Variants in SRGAP3 observed in about 807,000 individuals in gnomAD.
SRGAP3 encodes SLIT-ROBO Rho GTPase activating protein 3.
A neutral mutation model predicts 121.1 loss-of-function variants in SRGAP3; 39 were observed. The observed-to-expected ratio is 0.32, with a 90% CI of 0.25 to 0.42. The LOEUF (loss-of-function observed/expected upper bound fraction) is 0.42. Among genes scored for constraint, SRGAP3 ranks in the 10% least tolerant of loss-of-function variants. The probability of loss-of-function intolerance (pLI) is 1.00; values close to 1 mark genes in which losing one functional copy is unlikely to be tolerated. For missense variants in SRGAP3, 1,213 were observed against 1,470.6 expected (o/e 0.82, Z 2.86); for synonymous variants, 601 against 570.0 (o/e 1.05, Z -0.77).
At chr3:9,000,571 C>A (rs1942695470) in intron 18 of SRGAP3, among the ~76,000 whole-genome samples, 1 of 152,192 alleles carries the variant, frequency 6.6e-6, no homozygotes, top group African/African-American at 2.4e-5. Flanking sequence ...GAAGGGGACT[C>A]TCAAGAACAG....
In SRGAP3 at chr3:8,993,024, T is replaced by G; in HGVS notation, c.2440A>C (p.Lys814Gln). ...CCACTGCTGGCCTCGCTGTCAGCCT[T>G]CTGGCTCAGGCTGTCGGAGAAGGCA... ...DDAFSDSLSQ[K>Q]ADSEASSGPL... Residue 814 changes from lysine (K) to glutamine (Q), a missense_variant, in exon 20 of 22, where the codon AAG becomes CAG. Around this residue, in one of 2 missense-constraint regions of SRGAP3, gnomAD observed 420 missense variants for 437.7 expected, o/e 0.96. Coordinates refer to ENST00000383836, the MANE Select transcript of SRGAP3 (RefSeq NM_014850.4). The G allele has an allele frequency of 6.2e-7, 1 of 1,614,202 alleles. No individual in the cohort carries two copies. The highest frequency in any genetic ancestry group is 8.5e-7 in the Non-Finnish European group (1 of 1,180,046).
intron 1 of SRGAP3, among the ~76,000 whole-genome samples, chr3:9,152,944 A>G (rs1451880232): frequency 2.0e-5 from 3 of 152,192 alleles, no homozygotes; most frequent in Admixed American, 2.0e-4. Flanking sequence ...GGACTATATC[A>G]GAGCTCAGCT....
At chr3:9,047,271 A>T (rs373051634) in intron 10 of SRGAP3, 120 bp downstream of exon 10, 1 of 1,010,658 alleles carries the variant, frequency 9.9e-7, no homozygotes, top group Non-Finnish European at 1.5e-6. Flanking sequence ...TGGTAAGTCC[A>T]GGTTCATTCT....
At chr3:9,260,589 G>C (rs537129646) in intron 3 of SRGAP3, among the ~76,000 whole-genome samples, 1 of 152,370 alleles carries the variant, frequency 6.6e-6, no homozygotes, top group African/African-American at 2.4e-5. Flanking sequence ...TAGCCAGACT[G>C]CCTCTCTAGA....
chr3:9,322,651 T>C (rs1955456522), intron 3 of SRGAP3, among the ~76,000 whole-genome samples: 1 of 151,884 alleles, frequency 6.6e-6, no homozygotes, highest in Non-Finnish European at 1.5e-5. Context: ...GAGAATCCAA[T>C]GCCTGATGAT....
At chr3:9,214,067 A>C (rs1952533740) in intron 1 of SRGAP3, among the ~76,000 whole-genome samples, 1 of 151,444 alleles carries the variant, frequency 6.6e-6, no homozygotes, top group Non-Finnish European at 1.5e-5. Context: ...TTTGTTACTT[A>C]ACCCTTTTAT....
At chr3:9,230,550 G>A (rs965248786) in intron 1 of SRGAP3, among the ~76,000 whole-genome samples, 1 of 152,132 alleles carries the variant, frequency 6.6e-6, no homozygotes, top group Non-Finnish European at 1.5e-5. Context: ...TCTGTGCTTG[G>A]GAACTGGTGT....
chr3:9,242,136 A>G (rs934247330), intron 1 of SRGAP3, among the ~76,000 whole-genome samples: 1 of 151,298 alleles, frequency 6.6e-6, no homozygotes, highest in Admixed American at 6.6e-5. Flanking sequence ...CTCTCTCTCC[A>G]TAAGCATACA....
At chr3:9,304,377 T>G (rs778740108) in intron 3 of SRGAP3, among the ~76,000 whole-genome samples, 3 of 152,218 alleles carry the variant, frequency 2.0e-5, no homozygotes, top group Non-Finnish European at 2.9e-5. Flanking sequence ...CACAGTCTCC[T>G]GCCATAATTC....
Position 9,026,955 on chromosome 3 carries a change from A to T in SRGAP3, c.1580T>A (p.Ile527Asn). ...CTTACCATATAAATTGATGTAACGG[A>T]TGCAGCTCTCGACTACAAGCGGTAT... Reference protein sequence around the residue: ...QAIPLVVESCIRYINLYGLQQ... With the variant: ...QAIPLVVESCNRYINLYGLQQ... Residue 527 changes from isoleucine to asparagine, a missense_variant, in exon 13 of 22, where the codon ATC (isoleucine) becomes AAC (asparagine). Physicochemically the swap from Ile to Asn is moderately radical, Grantham distance 149. This residue lies in a region of SRGAP3 where 793 missense variants were observed against 1,032.9 expected (regional missense o/e 0.77). Coordinates refer to ENST00000383836, the MANE Select transcript of SRGAP3 (RefSeq NM_014850.4). The T allele has an allele frequency of 6.2e-7, 1 of 1,614,224 alleles. No individual in the cohort carries two copies. The highest frequency in any genetic ancestry group is 8.5e-7 in the Non-Finnish European group (1 of 1,180,030).
chr3:9,249,989 G>A (rs1953966515), upstream of SRGAP3, among the ~76,000 whole-genome samples: 1 of 152,190 alleles, frequency 6.6e-6, no homozygotes, highest in Non-Finnish European at 1.5e-5. Flanking sequence ...GTCTAGCAGA[G>A]GGCCTGACCC....
intron 6 of SRGAP3, chr3:9,059,442 C>CG (rs1387719598): frequency 6.6e-6 from 1 of 152,322 alleles, no homozygotes; most frequent in Non-Finnish European, 1.5e-5. Context: ...TCTGGAGCCA[C>CG]GGGAAAAGCA....
chr3:9,114,578 G>A (rs958621328), intron 2 of SRGAP3, among the ~76,000 whole-genome samples: 3 of 152,192 alleles, frequency 2.0e-5, no homozygotes, highest in African/African-American at 7.2e-5. Flanking sequence ...ACTGCAGCAT[G>A]AGGGTACACG....
At chr3:9,079,766 G>A (rs1164462309) in intron 4 of SRGAP3, among the ~76,000 whole-genome samples, 2 of 151,946 alleles carry the variant, frequency 1.3e-5, no homozygotes, top group Non-Finnish European at 2.9e-5. Context: ...CAGGTAACAC[G>A]CCCCACAGCG....
intron 1 of SRGAP3, among the ~76,000 whole-genome samples, chr3:9,337,110 T>C (rs924715099): frequency 6.6e-6 from 1 of 152,168 alleles, no homozygotes; most frequent in Admixed American, 6.5e-5. Context: ...AAAGCTGATG[T>C]CCCAGTTCAA....
intron 3 of SRGAP3, among the ~76,000 whole-genome samples, chr3:9,273,144 C>T (rs1247449202): frequency 6.6e-6 from 1 of 152,116 alleles, no homozygotes; most frequent in Non-Finnish European, 1.5e-5. Flanking sequence ...GGGCACGCAA[C>T]CTGGATCCCT....
chr3:9,296,321 T>A (rs1005458878), intron 3 of SRGAP3, among the ~76,000 whole-genome samples: 1 of 152,234 alleles, frequency 6.6e-6, no homozygotes, highest in Non-Finnish European at 1.5e-5. Flanking sequence ...CTGTTTTTGA[T>A]AATAGTCATC....
At chr3:9,348,026 C>T (rs1329095018) in intron 1 of SRGAP3, among the ~76,000 whole-genome samples, 1 of 152,230 alleles carries the variant, frequency 6.6e-6, no homozygotes, top group Non-Finnish European at 1.5e-5. Flanking sequence ...CATGTACTGC[C>T]AGGCATTTGT....
At chr3:8,992,234 G>C (rs773723851) in intron 20 of SRGAP3, among the ~76,000 whole-genome samples, 11 of 152,288 alleles carry the variant, frequency 7.2e-5, no homozygotes, top group Middle Eastern at 3.4e-3. Context: ...CATTTTGAGA[G>C]TGTGACTAAA....
Sources: allele counts gnomAD v4.1 joint callset (sites outside exome capture counted in the v4.1 genomes callset), GRCh38; gene constraint gnomAD v4.1.1; regional missense constraint gnomAD v4.1.1; transcripts MANE v1.5; gene names NCBI Gene and HGNC (gene_info 2026-07-23, HGNC 2026-07-21).